NKD2: variants seen among roughly 807,000 people sequenced by gnomAD.
The protein encoded by NKD2 is protein naked cuticle homolog 2.
Under a neutral mutation model 34.8 loss-of-function variants are expected in NKD2, and 43 were observed. The ratio of observed to expected loss-of-function variants is 1.24; its 90% CI spans 0.97 to 1.60. NKD2 has a LOEUF of 1.60. NKD2 is among the 40% of genes most tolerant of loss of function. The pLI, the probability that NKD2 is intolerant of heterozygous loss-of-function variation, is 0.00. For missense variants in NKD2, 675 were observed against 627.1 expected, an observed-to-expected ratio of 1.08 and a Z score of -0.82; for synonymous variants, 278 against 265.1, an observed-to-expected ratio of 1.05 and a Z score of -0.47.
At chr5:1,010,800 C>G (rs889895281) in intron 3 of NKD2, among the ~76,000 whole-genome samples, 1 of 152,190 alleles carries the variant, frequency 6.6e-6, no homozygotes, top group Non-Finnish European at 1.5e-5. Context: ...ATGTGAGCAC[C>G]TGGGGTGGGC....
At chr5:1,027,727 C>G (rs1303672818) in intron 3 of NKD2, among the ~76,000 whole-genome samples, 1 of 152,246 alleles carries the variant, frequency 6.6e-6, no homozygotes, top group Non-Finnish European at 1.5e-5. Flanking sequence ...TCCACCAGAG[C>G]TGTGGCCAAC....
chr5:1,011,731 G>A (rs1018192803), intron 3 of NKD2, among the ~76,000 whole-genome samples: 1 of 152,218 alleles, frequency 6.6e-6, no homozygotes, highest in African/African-American at 2.4e-5. Context: ...AAATGAGATT[G>A]GCTATTATTA....
chr5:1,038,852 G>T lies in NKD2; in HGVS notation c.*479G>T, dbSNP rs183873875. ...TGAAGTGAGAGGGGACAGGGCCGGT[G>T]GGGGGAAGCAGCTTGTGCTTAGCAG... On this transcript the variant is annotated 3_prime_UTR_variant, in exon 10 of 10. Coordinates refer to ENST00000296849, the MANE Select transcript of NKD2 (RefSeq NM_033120.4). This position sits in a 1 kb window ranked among gnomAD's most constrained non-coding sequence, Gnocchi z 4.5. 216 of 296,592 alleles carry T rather than the reference G, an allele frequency of 7.3e-4. 1 individual carries two copies. The Middle Eastern group carries it at 0.014, about 20-fold the overall frequency. The allele number at this position is 296,592 out of a possible 1,614,324, so 18.4% of individuals were successfully genotyped here.
Position 1,037,882 on chromosome 5 carries a change from C to A in NKD2, c.865C>A (p.Pro289Thr). 6.2e-7 allele frequency: 1 copy of A among 1,605,176 alleles called. No individual in the cohort carries two copies. Among genetic ancestry groups the A allele is most frequent in the South Asian group, 1.1e-5 (1 of 90,880 alleles). ...CCAGGCCCGGTCCCGCTCCCAGGAG[C>A]CAGATACACATGCCGTACACCACCG... ...HLQARSRSQE[P>T]DTHAVHHRRS... Residue 289 changes from proline to threonine, a missense_variant, in exon 10 of 10, where the codon CCA becomes ACA. Pro to Thr is a conservative substitution (Grantham distance 38). Transcript: ENST00000296849.
intron 3 of NKD2, among the ~76,000 whole-genome samples, chr5:1,011,359 A>G (rs374222496): frequency 3.5e-3 from 526 of 152,302 alleles, no homozygotes; most frequent in African/African-American, 0.012. Context: ...CTCACCTGGC[A>G]GCTGTTCCCC....
chr5:1,016,812 T>G (rs755741544), intron 3 of NKD2, among the ~76,000 whole-genome samples: 9 of 152,078 alleles, frequency 5.9e-5, no homozygotes, highest in Non-Finnish European at 1.0e-4. Context: ...TAACAGAGCC[T>G]ACCCCATCCT....
rs151189677 is a variant in NKD2 at position 1,034,291 on chromosome 5, G to T, written c.387G>T (p.Thr129=). The change falls in exon 6 of 10, where the codon ACG becomes ACT. Residue 129 remains threonine (T), a synonymous_variant. Transcript: ENST00000296849. ...ACGACCGCCAGGAGTGGACGTTCAC[G>T]CTCTATGACTTTGACAACTGCGGGA... ...EEDDRQEWTF[T]LYDFDNCGKV... The T allele has an allele frequency of 1.9e-6, 3 of 1,612,748 alleles. No individual in the cohort carries two copies. The African/African-American group carries it at 4.0e-5, about 22-fold the overall frequency.
In NKD2 at chr5:1,009,107, G is replaced by C. The variant is rs1238931889; in HGVS notation, c.25+25G>C. ...GGTGAGCCGCGGGCCGGTAGGGCGG[G>C]AGGGCGGGCGGGCGGGCGTGGGGCC... On this transcript the variant is annotated intron_variant, in intron 1 of 9. Transcript: ENST00000296849. The surrounding 1 kb of genome is among the most constrained non-coding windows in gnomAD (Gnocchi z 6.9). 1 of 460,490 alleles carries C rather than the reference G, an allele frequency of 2.2e-6. No individual in the cohort carries two copies. The highest frequency in any genetic ancestry group is 3.8e-6 in the Non-Finnish European group (1 of 260,084). The allele number at this position is 460,490 out of a possible 1,614,324, so 28.5% of individuals were successfully genotyped here.
At position 1,038,152 on chromosome 5, in the gene NKD2, C is replaced by T; in HGVS notation, c.1135C>T (p.Pro379Ser). 6.3e-7 allele frequency: 1 copy of T among 1,587,242 alleles called. No homozygotes were observed. The highest frequency in any genetic ancestry group is 2.3e-5 in the East Asian group (1 of 43,768). ...GHHLPQPPPP[P>S]YGHKRYRQKG... The stretch of plus-strand genomic sequence containing the variant: ...CCACCTCCCGCAGCCCCCACCGCCA[C>T]CCTACGGCCACAAGCGGTACCGCCA... Residue 379 changes from proline to serine, a missense_variant, in exon 10 of 10, where the codon CCC (proline) becomes TCC (serine). Transcript: ENST00000296849. The surrounding 1 kb of genome is among the most constrained non-coding windows in gnomAD (Gnocchi z 4.5).
At position 1,011,723 on chromosome 5, in the gene NKD2, A is replaced by G. The variant is rs182878246; in HGVS notation, c.141+2163A>G. 4.7e-4 allele frequency among the ~76,000 whole-genome samples: 72 copies of G among 152,326 alleles called. No homozygotes were observed. In the South Asian group the frequency reaches 0.012, roughly 25 times the overall value. On this transcript the variant is annotated intron_variant, in intron 3 of 9. Coordinates refer to ENST00000296849, the MANE Select transcript of NKD2 (RefSeq NM_033120.4). ...CTCCCCAGCCCCCAAAATAACACAA[A>G]TGAGATTGGCTATTATTAATTCCCT...
In NKD2 at chr5:1,034,286, T is replaced by C; in HGVS notation, c.382T>C (p.Phe128Leu). ...VEEDDRQEWT[F>L]TLYDFDNCGK... The stretch of plus-strand genomic sequence containing the variant: ...GGAGGACGACCGCCAGGAGTGGACG[T>C]TCACGCTCTATGACTTTGACAACTG... The change falls in exon 6 of 10, where the codon TTC becomes CTC. Residue 128 changes from phenylalanine (F) to leucine (L), a missense_variant. Physicochemically the swap from Phe to Leu is conservative, Grantham distance 22. Transcript: ENST00000296849. 1 of 1,612,822 alleles carries C rather than the reference T, an allele frequency of 6.2e-7. No homozygotes were observed.
In NKD2 at chr5:1,036,370, C is replaced by G. The variant is rs1204886969; in HGVS notation, c.773C>G (p.Ser258Cys). 6.2e-7 allele frequency: 1 copy of G among 1,612,550 alleles called. No homozygotes were observed. Among genetic ancestry groups the G allele is most frequent in the Non-Finnish European group, 8.5e-7 (1 of 1,179,594 alleles). ...CTCGCCGGGATTGAGAACTACACGT[C>G]CAGATTCGGCCCTGGTAGGTCCTGG... The part of the protein sequence containing the change: ...LDLAGIENYT[S>C]RFGPGSPPVQ... The change falls in exon 9 of 10, where the codon TCC (serine) becomes TGC (cysteine). Residue 258 changes from serine (S) to cysteine (C), a missense_variant. Transcript: ENST00000296849.
At chr5:1,015,156 GA>G (rs1165510699) in intron 3 of NKD2, among the ~76,000 whole-genome samples, 2 of 152,374 alleles carry the variant, frequency 1.3e-5, no homozygotes, top group Admixed American at 1.3e-4. Context: ...CTGCAAGCCA[GA>G]GGGGTGCGTG....
intron 3 of NKD2, among the ~76,000 whole-genome samples, chr5:1,012,707 A>G (rs1755801223): frequency 6.6e-6 from 1 of 152,184 alleles, no homozygotes; most frequent in Non-Finnish European, 1.5e-5. Context: ...GGAACCAGCC[A>G]CAGTGCCCCA....
Position 1,022,153 on chromosome 5 carries a change from C to G in NKD2, c.142-9999C>G, listed in dbSNP as rs558250089. Among the ~76,000 whole-genome samples, 8 of 151,984 alleles carry G rather than the reference C, an allele frequency of 5.3e-5. No individual in the cohort carries two copies. The South Asian group carries it at 8.3e-4, about 16-fold the overall frequency. On this transcript the variant is annotated intron_variant, in intron 3 of 9. Coordinates refer to ENST00000296849, the MANE Select transcript of NKD2 (RefSeq NM_033120.4). Reference sequence around the variant, plus strand: ...CAGTAGCCAGTGGCGCTGTCCCTGTCCCTGCTCTTCCCACCTGCTGTGGGT... The same window carrying G: ...CAGTAGCCAGTGGCGCTGTCCCTGTGCCTGCTCTTCCCACCTGCTGTGGGT...
chr5:1,036,202 G>A, intron 8 of NKD2, 55 bp from the exon 9 acceptor site: 1 of 1,472,644 alleles, frequency 6.8e-7, no homozygotes, highest in South Asian at 1.4e-5. Flanking sequence ...CCCGTCATCA[G>A]GGGTGCGCCA....
intron 3 of NKD2, among the ~76,000 whole-genome samples, chr5:1,029,067 G>T (rs751243693): frequency 5.3e-5 from 8 of 152,222 alleles, no homozygotes; most frequent in Admixed American, 5.2e-4. Flanking sequence ...CCGAGGCAGC[G>T]TAGATTAAAG....
At position 1,038,331 on chromosome 5, in the gene NKD2, G is replaced by GCAC. The variant is rs3840989; in HGVS notation, c.1339_1341dup (p.His447dup). 1.2e-3 allele frequency: 1,764 copies of GCAC among 1,528,548 alleles called. 2 individuals carry two copies. Among genetic ancestry groups the GCAC allele is most frequent in the African/African-American group, 6.6e-3 (482 of 72,822 alleles). The allele number at this position is 1,528,548 out of a possible 1,614,324, so 94.7% of individuals were successfully genotyped here. On this transcript the variant is annotated inframe_insertion, in exon 10 of 10. Coordinates refer to ENST00000296849, the MANE Select transcript of NKD2 (RefSeq NM_033120.4). This position sits in a 1 kb window ranked among gnomAD's most constrained non-coding sequence, Gnocchi z 4.5. ...GGCACGAGCACCACCACCACCACGA[G>GCAC]CACCACCACCACCACCACCACCACC...
intron 7 of NKD2, 71 bp from the exon 8 acceptor site, chr5:1,035,318 A>G (rs915946635): frequency 2.0e-5 from 23 of 1,177,130 alleles, no homozygotes; most frequent in East Asian, 1.3e-4. Context: ...GAGTTAATGA[A>G]TGAGTGAATG....
Sources: gnomAD v4.1 joint callset for allele counts (sites outside exome capture counted in the v4.1 genomes callset) on GRCh38, gnomAD v4.1.1 for gene constraint, Gnocchi (gnomAD v3.1) non-coding constraint, MANE v1.5 for transcripts, NCBI Gene and HGNC (gene_info 2026-07-23, HGNC 2026-07-21) for gene names.